Variants in ANAPC5 observed in about 807,000 individuals in gnomAD.
The protein encoded by ANAPC5 is anaphase promoting complex subunit 5.
In ANAPC5, 60 loss-of-function variants were observed where a neutral mutation model predicts 91.3. The ratio of observed to expected loss-of-function variants is 0.66; its 90% confidence interval spans 0.53 to 0.81. The LOEUF is 0.81. Among genes scored for constraint, ANAPC5 ranks in the 40% least tolerant of loss-of-function variants. The pLI, the probability that ANAPC5 is intolerant of heterozygous loss-of-function variation, is 0.00. For missense variants in ANAPC5, 690 were observed against 931.5 expected, an observed-to-expected ratio of 0.74 and a Z score of 3.37; for synonymous variants, 340 against 364.1, an observed-to-expected ratio of 0.93 and a Z score of 0.75.
At position 121,342,027 on chromosome 12, in the gene ANAPC5, T is replaced by C; in HGVS notation, c.633A>G (p.Gln211=). The change falls in exon 5 of 17, where the codon CAA becomes CAG. Residue 211 remains glutamine, a synonymous_variant. Coordinates refer to ENST00000261819, the MANE Select transcript of ANAPC5 (RefSeq NM_016237.5). This position sits in a 1 kb window ranked among gnomAD's most constrained non-coding sequence, Gnocchi z 4.1. ...VSCSGPLSQK[Q]AEFFLSQQAS... ...CCTGTTGAGAAAGAAAAAATTCTGC[T>C]TGTTTTTGGGACAGAGGCCCACTGC... The C allele has an allele frequency of 6.2e-7, 1 of 1,610,624 alleles. No individual in the cohort carries two copies. Among genetic ancestry groups the C allele is most frequent in the Non-Finnish European group, 8.5e-7 (1 of 1,179,424 alleles).
intron 5 of ANAPC5, among the ~76,000 whole-genome samples, chr12:121,339,509 C>T (rs1030254298): frequency 3.0e-4 from 45 of 151,022 alleles, no homozygotes; most frequent in African/African-American, 1.1e-3. Flanking sequence ...CTCGCTCTGT[C>T]GCACAAGCTG....
chr12:121,311,213 T>A (rs1202662042), intron 15 of ANAPC5, among the ~76,000 whole-genome samples: 6 of 152,040 alleles, frequency 3.9e-5, no homozygotes, highest in Non-Finnish European at 8.8e-5. Context: ...TGAGCTACGA[T>A]TGCAGCAATG....
rs77665338 is a variant in ANAPC5 at position 121,322,585 on chromosome 12, C to T, written c.1441-2126G>A. Reference sequence around the variant, plus strand: ...AATTTATATCATCGTAGTATTTTATCGGGAAAATCAATTATGGTACATGAA... The same window carrying T: ...AATTTATATCATCGTAGTATTTTATTGGGAAAATCAATTATGGTACATGAA... On this transcript the variant is annotated intron_variant, in intron 11 of 16. Transcript: ENST00000261819. Among the ~76,000 whole-genome samples, 1,104 of 152,160 alleles carry T rather than the reference C, an allele frequency of 7.3e-3. 7 individuals are homozygous for T. The highest frequency in any genetic ancestry group is 0.031 in the Middle Eastern group (9 of 294).
chr12:121,335,295 A>G (rs1008432041), intron 7 of ANAPC5: 11 of 274,154 alleles, frequency 4.0e-5, no homozygotes, highest in Non-Finnish European at 6.9e-5. Context: ...TCTCCTGAGT[A>G]GCTGGGACTA....
intron 5 of ANAPC5, among the ~76,000 whole-genome samples, chr12:121,340,050 C>G (rs1903386984): frequency 6.6e-6 from 1 of 151,478 alleles, no homozygotes; most frequent in Non-Finnish European, 1.5e-5. Flanking sequence ...GGCGCAGTGG[C>G]TCACGCCTGT....
At position 121,311,994 on chromosome 12, in the gene ANAPC5, C is replaced by T. The variant is rs905378375; in HGVS notation, c.1894-2131G>A. Among the ~76,000 whole-genome samples, 3 of 152,178 alleles carry T rather than the reference C, an allele frequency of 2.0e-5. No individual in the cohort carries two copies. The East Asian group carries it at 5.8e-4, about 29-fold the overall frequency. On this transcript the variant is annotated intron_variant, in intron 15 of 16. Transcript: ENST00000261819. Reference sequence around the variant, plus strand: ...CCCTAACATATATATATAAAGCATGCCACCCAATGATACATCAGAATACAA... The same window carrying T: ...CCCTAACATATATATATAAAGCATGTCACCCAATGATACATCAGAATACAA...
chr12:121,329,476 T>C (rs1555272633), intron 9 of ANAPC5, among the ~76,000 whole-genome samples: 1 of 152,012 alleles, frequency 6.6e-6, no homozygotes, highest in African/African-American at 2.4e-5. Flanking sequence ...TACATTAAAT[T>C]ACTACCTGTA....
rs542216408 is a variant in ANAPC5 at position 121,308,831 on chromosome 12, A to C, written c.2057-140T>G. 1.7e-5 allele frequency: 13 copies of C among 758,750 alleles called. No individual in the cohort carries two copies. The African/African-American group carries it at 1.7e-4, about 10-fold the overall frequency. The allele number at this position is 758,750 out of a possible 1,614,324, so 47.0% of individuals were successfully genotyped here. On this transcript the variant is annotated intron_variant, in intron 16 of 16. Coordinates refer to ENST00000261819, the MANE Select transcript of ANAPC5 (RefSeq NM_016237.5). ...CTCCATTCTTTGAGAGAGAAAAAAC[A>C]AACCACTAGGGTGAGGTTTTCAAAA...
intron 1 of ANAPC5, among the ~76,000 whole-genome samples, chr12:121,349,979 G>A (rs1374528247): frequency 2.6e-5 from 4 of 151,992 alleles, no homozygotes; most frequent in Admixed American, 6.6e-5. Flanking sequence ...CCAAAGTGCC[G>A]GGGTTACAGG....
intron 11 of ANAPC5, among the ~76,000 whole-genome samples, chr12:121,322,985 A>T (rs1566184224): frequency 6.6e-6 from 1 of 152,164 alleles, no homozygotes; most frequent in Non-Finnish European, 1.5e-5. Flanking sequence ...AGATCACACC[A>T]CTGCACTCCA....
At chr12:121,346,539 C>T (rs1593606629) in intron 3 of ANAPC5, 1 of 193,362 alleles carries the variant, frequency 5.2e-6, no homozygotes, top group Non-Finnish European at 1.0e-5. Flanking sequence ...ACTTTGCATA[C>T]TATATCAATA....
At chr12:121,349,013 C>T (rs1439455848) in intron 1 of ANAPC5, among the ~76,000 whole-genome samples, 1 of 152,170 alleles carries the variant, frequency 6.6e-6, no homozygotes, top group Non-Finnish European at 1.5e-5. Context: ...GCCTGTAATA[C>T]CAGCGCCTTG....
intron 15 of ANAPC5, among the ~76,000 whole-genome samples, chr12:121,315,169 T>C (rs543255341): frequency 1.3e-5 from 2 of 152,182 alleles, no homozygotes; most frequent in African/African-American, 4.8e-5. Flanking sequence ...CAAAAATAAA[T>C]GTTTAAAAAA....
chr12:121,351,564 T>A (rs532655400), intron 1 of ANAPC5, among the ~76,000 whole-genome samples: 1 of 151,614 alleles, frequency 6.6e-6, no homozygotes, highest in Non-Finnish European at 1.5e-5. Context: ...TTCTAGCGAT[T>A]CTCCTGCCTC....
chr12:121,345,852 C>G lies in ANAPC5; in HGVS notation c.577G>C (p.Asp193His). The G allele has an allele frequency of 6.2e-7, 1 of 1,613,184 alleles. No homozygotes were observed. Among genetic ancestry groups the G allele is most frequent in the South Asian group, 1.1e-5 (1 of 90,864 alleles). Residue 193 changes from aspartate (D) to histidine (H), a missense_variant, in exon 4 of 17, where the codon GAT becomes CAT. Physicochemically the swap from Asp to His is moderately conservative, Grantham distance 81. Around this residue, in one of 5 missense-constraint regions of ANAPC5, gnomAD observed 238 missense variants for 264.9 expected, o/e 0.90. Coordinates refer to ENST00000261819, the MANE Select transcript of ANAPC5 (RefSeq NM_016237.5). ...AAGCCAAATTACCTTACAGATACAT[C>G]AAGTTCTTCTTTTTCCATTTTTCTT... Reference protein sequence around the residue: ...GERKMEKEELDVSVREEEVSC... With the variant: ...GERKMEKEELHVSVREEEVSC...
At position 121,342,000 on chromosome 12, in the gene ANAPC5, T is replaced by A. The variant is rs373604461; in HGVS notation, c.657+3A>T. 1 of 1,603,618 alleles carries A rather than the reference T, an allele frequency of 6.2e-7. No individual in the cohort carries two copies. ...TTCATGATAAATTACAGAATTCACA[T>A]ACCTGTTGAGAAAGAAAAAATTCTG... is the stretch of plus-strand genomic sequence containing the variant. On this transcript the variant is annotated splice_donor_region_variant and intron_variant, in intron 5 of 16. Coordinates refer to ENST00000261819, the MANE Select transcript of ANAPC5 (RefSeq NM_016237.5).
chr12:121,352,830 C>T (rs1056043932), upstream of ANAPC5, among the ~76,000 whole-genome samples: 1 of 150,192 alleles, frequency 6.7e-6, no homozygotes, highest in African/African-American at 2.4e-5. Flanking sequence ...GCACTGCACC[C>T]TCCCAAATCC....
At chr12:121,338,846 C>T (rs1463081689) in intron 5 of ANAPC5, among the ~76,000 whole-genome samples, 2 of 151,628 alleles carry the variant, frequency 1.3e-5, no homozygotes, top group Admixed American at 6.6e-5. Flanking sequence ...ACAATATACC[C>T]TGTATTGTAA....
chr12:121,321,966 A>G (rs1405339691), intron 11 of ANAPC5, among the ~76,000 whole-genome samples: 2 of 150,972 alleles, frequency 1.3e-5, no homozygotes, highest in Non-Finnish European at 2.9e-5. Flanking sequence ...CCCGCGTTCA[A>G]GCGATTCTCC....
Sources: gnomAD v4.1 joint callset for allele counts (sites outside exome capture counted in the v4.1 genomes callset) on GRCh38, gnomAD v4.1.1 for gene constraint, gnomAD v4.1.1 regional missense constraint, Gnocchi (gnomAD v3.1) non-coding constraint, MANE v1.5 for transcripts, NCBI Gene and HGNC (gene_info 2026-07-23, HGNC 2026-07-21) for gene names.